The following ZWILCH variants were observed in gnomAD, a reference collection of about 807,000 sequenced individuals.
ZWILCH encodes the protein zwilch kinetochore protein.
ZWILCH carries 74 observed loss-of-function variants against 79.9 expected under a neutral mutation model. The ratio of observed to expected loss-of-function variants is 0.93; its 90% CI spans 0.77 to 1.12. The LOEUF (loss-of-function observed/expected upper bound fraction) is 1.12. Among genes scored for constraint, ZWILCH ranks in the 50% most tolerant of loss-of-function variants. ZWILCH has a pLI of 0.00. For missense variants in ZWILCH, 694 were observed against 687.5 expected (o/e 1.01, Z -0.11); for synonymous variants, 241 against 228.2 (o/e 1.06, Z -0.51).
chr15:66,517,430 G>GTGTGTGTATA, intron 4 of ZWILCH, among the ~76,000 whole-genome samples: 78 of 66,510 alleles, frequency 1.2e-3, no homozygotes, highest in South Asian at 4.4e-3. Flanking sequence ...GTGTGTGTGT[G>GTGTGTGTATA]TATATATATA....
Position 66,518,973 on chromosome 15 carries a change from A to G in ZWILCH, c.415A>G (p.Arg139Gly), listed in dbSNP as rs1273284041. Residue 139 changes from arginine to glycine, a missense_variant, in exon 5 of 19, where the codon AGA (arginine) becomes GGA (glycine). Physicochemically the swap from Arg to Gly is moderately radical, Grantham distance 125. Coordinates refer to ENST00000307897, the MANE Select transcript of ZWILCH (RefSeq NM_017975.5). ...PVTALPPLWV[R>G]CDSSDPEGTC... is the part of the protein sequence containing the mutation. ...TACTGCCCTTCCTCCCCTTTGGGTA[A>G]GATGTGACAGTTCAGATCCTGAAGG... 8 of 1,614,120 alleles carry G rather than the reference A, an allele frequency of 5.0e-6. No individual in the cohort carries two copies. Among genetic ancestry groups the G allele is most frequent in the Non-Finnish European group, 6.8e-6 (8 of 1,180,050 alleles).
At chr15:66,531,497 A>G (rs1045883992) in intron 12 of ZWILCH, among the ~76,000 whole-genome samples, 15 of 151,846 alleles carry the variant, frequency 9.9e-5, no homozygotes, top group East Asian at 3.9e-4. Context: ...GTCTTGCTCT[A>G]TTGCCCAGGC....
intron 14 of ZWILCH, among the ~76,000 whole-genome samples, chr15:66,533,448 T>G (rs947591974): frequency 1.3e-5 from 2 of 152,200 alleles, no homozygotes; most frequent in Non-Finnish European, 2.9e-5. Flanking sequence ...CTTTGTTGTA[T>G]TTTCCTAGCC....
chr15:66,508,321 C>A (rs1193716391), intron 1 of ZWILCH, among the ~76,000 whole-genome samples: 1 of 152,078 alleles, frequency 6.6e-6, no homozygotes, highest in Admixed American at 6.6e-5. Flanking sequence ...AGGAAATGGT[C>A]AACATAATCA....
At chr15:66,514,177 T>G (rs1393601677) in intron 3 of ZWILCH, 94 bp downstream of exon 3, 14 of 825,176 alleles carry the variant, frequency 1.7e-5, no homozygotes, top group Non-Finnish European at 2.5e-5. Flanking sequence ...AAAATCAGCA[T>G]CGGTGAAAAT....
At chr15:66,505,605 C>G in intron 1 of ZWILCH, 1 of 576,408 alleles carries the variant, frequency 1.7e-6, no homozygotes, top group Non-Finnish European at 3.0e-6. Flanking sequence ...TGTACGTCAT[C>G]AAACGAGATG....
chr15:66,515,003 A>G (rs1272197500), intron 3 of ZWILCH, among the ~76,000 whole-genome samples: 1 of 151,976 alleles, frequency 6.6e-6, no homozygotes, highest in Non-Finnish European at 1.5e-5. Context: ...GTGTGGTGGT[A>G]CTGTCATGGC....
chr15:66,517,369 ATATGTT>A (rs886859808), intron 4 of ZWILCH, among the ~76,000 whole-genome samples: 1 of 147,920 alleles, frequency 6.8e-6, no homozygotes, highest in African/African-American at 2.5e-5. Context: ...TATCATAACA[ATATGTT>A]TATAACTATT....
At chr15:66,506,276 A>C (rs1893813959) in intron 1 of ZWILCH, among the ~76,000 whole-genome samples, 1 of 152,174 alleles carries the variant, frequency 6.6e-6, no homozygotes, top group African/African-American at 2.4e-5. Flanking sequence ...TTTAAAAAAA[A>C]CTGGCATGTC....
At position 66,527,271 on chromosome 15, in the gene ZWILCH, G is replaced by T; in HGVS notation, c.820-19G>T. 6.2e-6 allele frequency: 10 copies of T among 1,603,482 alleles called. No individual in the cohort carries two copies. The highest frequency in any genetic ancestry group is 7.7e-6 in the Non-Finnish European group (9 of 1,172,038). The stretch of plus-strand genomic sequence containing the variant: ...TGTTTTCTGCTAACAAGTTTTTGGG[G>T]TTTTTAAATCTCCTGTAGGTTTTGG... On this transcript the variant is annotated intron_variant, in intron 8 of 18. Coordinates refer to ENST00000307897, the MANE Select transcript of ZWILCH (RefSeq NM_017975.5).
At chr15:66,528,805 A>G in intron 10 of ZWILCH, 47 bp from the exon 11 acceptor site, 1 of 1,524,070 alleles carries the variant, frequency 6.6e-7, no homozygotes, top group Non-Finnish European at 9.1e-7. Context: ...AAATTATTTC[A>G]CTTAAAAAAA....
At chr15:66,539,594 G>A (rs1895128933) in intron 16 of ZWILCH, among the ~76,000 whole-genome samples, 1 of 151,902 alleles carries the variant, frequency 6.6e-6, no homozygotes, top group African/African-American at 2.4e-5. Flanking sequence ...CTATGTCATT[G>A]CCAAAATGAT....
rs376057448 is a variant in ZWILCH, at chr15:66,540,126, A to G, written c.1603A>G (p.Ile535Val). The G allele has an allele frequency of 8.1e-6, 13 of 1,612,626 alleles. No homozygotes were observed. In the South Asian group the frequency reaches 1.2e-4, roughly 15 times the overall value. Residue 535 changes from isoleucine to valine, a missense_variant, in exon 17 of 19, where the codon ATA becomes GTA. By Grantham distance (29) the Ile-to-Val change is conservative. Coordinates refer to ENST00000307897, the MANE Select transcript of ZWILCH (RefSeq NM_017975.5). ...SEKPQKWRVE[I>V]YSGQKKIKTV... ...GAAGCCACAGAAATGGAGAGTGGAA[A>G]TATATAGTGGTCAAAAGAAGATTAA... is the stretch of plus-strand genomic sequence containing the variant.
intron 15 of ZWILCH, among the ~76,000 whole-genome samples, 155 bp from the exon 16 acceptor site, chr15:66,537,013 G>A (rs1895036179): frequency 6.6e-6 from 1 of 152,040 alleles, no homozygotes; most frequent in East Asian, 1.9e-4. Context: ...GGGTTGTTGT[G>A]TTTGTTTGTT....
intron 4 of ZWILCH, among the ~76,000 whole-genome samples, chr15:66,518,334 G>A (rs1365739913): frequency 7.5e-6 from 1 of 132,756 alleles, no homozygotes; most frequent in Non-Finnish European, 1.6e-5. Flanking sequence ...TGTTGCCCAA[G>A]CTAGAGTGCA....
Position 66,523,708 on chromosome 15 carries a change from G to A in ZWILCH, c.779G>A (p.Gly260Asp). ...AAAGTGGAATCAGGAGAGCCCAGAG[G>A]TCCTTTGAATCATCTCTACAGAGAA... ...NIKVESGEPR[G>D]PLNHLYRELK... The change falls in exon 8 of 19, where the codon GGT becomes GAT. Residue 260 changes from glycine (G) to aspartate (D), a missense_variant. Coordinates refer to ENST00000307897, the MANE Select transcript of ZWILCH (RefSeq NM_017975.5). 6.2e-7 allele frequency: 1 copy of A among 1,612,450 alleles called. No individual in the cohort carries two copies. Among genetic ancestry groups the A allele is most frequent in the Non-Finnish European group, 8.5e-7 (1 of 1,178,930 alleles).
chr15:66,533,404 G>A (rs1269875825), intron 14 of ZWILCH, among the ~76,000 whole-genome samples: 3 of 152,014 alleles, frequency 2.0e-5, no homozygotes, highest in Admixed American at 6.5e-5. Context: ...AATCTTTAAT[G>A]TATACTTTTG....
intron 17 of ZWILCH, among the ~76,000 whole-genome samples, chr15:66,544,617 G>C (rs2140813773): frequency 6.6e-6 from 1 of 152,132 alleles, no homozygotes. Context: ...TAGGATTACA[G>C]GTGCGAACTA....
chr15:66,522,250 T>A (rs1309652307), intron 7 of ZWILCH, among the ~76,000 whole-genome samples: 1 of 151,690 alleles, frequency 6.6e-6, no homozygotes, highest in Non-Finnish European at 1.5e-5. Context: ...AGATATTCAG[T>A]GCAGCGATAT....
Sources: allele counts gnomAD v4.1 joint callset (sites outside exome capture counted in the v4.1 genomes callset), GRCh38; gene constraint gnomAD v4.1.1; transcripts MANE v1.5; gene names NCBI Gene and HGNC (gene_info 2026-07-23, HGNC 2026-07-21).